Variants in GRB10 observed in about 807,000 individuals in gnomAD.
The protein encoded by GRB10 is growth factor receptor bound protein 10.
A neutral mutation model predicts 80.9 loss-of-function variants in GRB10; 20 were observed. That is an observed-to-expected ratio of 0.25 (90% CI 0.17 to 0.36). GRB10 has a LOEUF of 0.36. GRB10 is among the 10% of genes least tolerant of loss of function. The probability of loss-of-function intolerance (pLI) is 1.00; values close to 1 mark genes in which losing one functional copy is unlikely to be tolerated. For synonymous variants in GRB10, 291 were observed against 291.5 expected, an observed-to-expected ratio of 1.00 and a Z score of 0.02; for missense variants, 548 against 747.7, an observed-to-expected ratio of 0.73 and a Z score of 3.12.
At chr7:50,719,700 TA>T (rs550117900) in intron 4 of GRB10, among the ~76,000 whole-genome samples, 13 of 150,466 alleles carry the variant, frequency 8.6e-5, no homozygotes, top group African/African-American at 3.2e-4. Context: ...ATTTAAAAAA[TA>T]AAAAAAAAGA....
intron 2 of GRB10, among the ~76,000 whole-genome samples, chr7:50,778,754 A>C (rs2077967278): frequency 1.3e-5 from 2 of 152,198 alleles, no homozygotes; most frequent in Non-Finnish European, 2.9e-5. Flanking sequence ...TCCAGGTTCC[A>C]GGCTGTGATG....
intron 2 of GRB10, among the ~76,000 whole-genome samples, chr7:50,763,589 CAG>C (rs1228138766): frequency 6.6e-6 from 1 of 152,226 alleles, no homozygotes; most frequent in Non-Finnish European, 1.5e-5. Flanking sequence ...CACTTTAAGA[CAG>C]AAAAACTGGA....
intron 3 of GRB10, among the ~76,000 whole-genome samples, chr7:50,742,010 C>CAA (rs566207137): frequency 7.4e-6 from 1 of 135,902 alleles, no homozygotes; most frequent in Non-Finnish European, 1.6e-5. Context: ...TTAATTTTTA[C>CAA]AAAAAAAAAA....
chr7:50,713,218 G>A lies in GRB10; in HGVS notation c.52-9310C>T, dbSNP rs187325087. 5.3e-5 allele frequency among the ~76,000 whole-genome samples: 8 copies of A among 152,132 alleles called. No individual in the cohort carries two copies. The South Asian group carries it at 1.0e-3, about 20-fold the overall frequency. On this transcript the variant is annotated intron_variant, in intron 4 of 18. Transcript: ENST00000401949. ...TAGTGTGATCACACATGGAAAGCACGGCTCAGTAAATCTCAGCTGCTATTT... is the reference window on the plus strand; with the variant it reads ...TAGTGTGATCACACATGGAAAGCACAGCTCAGTAAATCTCAGCTGCTATTT...
At chr7:50,631,323 A>C (rs565183241) in intron 7 of GRB10, among the ~76,000 whole-genome samples, 222 of 152,122 alleles carry the variant, frequency 1.5e-3, no homozygotes, top group African/African-American at 5.3e-3. Flanking sequence ...TCTGCAGCAT[A>C]AGATGTCCCT....
At chr7:50,698,082 A>C (rs1166143288) in intron 5 of GRB10, among the ~76,000 whole-genome samples, 1 of 152,226 alleles carries the variant, frequency 6.6e-6, no homozygotes, top group Non-Finnish European at 1.5e-5. Context: ...AGACACAAAC[A>C]CATCATGCTT....
At chr7:50,789,760 G>GA (rs200839160) in intron 1 of GRB10, among the ~76,000 whole-genome samples, 1,649 of 152,130 alleles carry the variant, frequency 0.011, 36 homozygotes, top group African/African-American at 0.038. Context: ...CAGGGGAAAA[G>GA]AAAAAATCTC....
At chr7:50,729,350 T>G (rs1196459684) in intron 4 of GRB10, 1 of 152,270 alleles carries the variant, frequency 6.6e-6, no homozygotes, top group Non-Finnish European at 1.5e-5. Context: ...TTCAACATTG[T>G]GTACGGAAGT....
chr7:50,787,675 C>T (rs886180384), upstream of GRB10, among the ~76,000 whole-genome samples: 1 of 152,206 alleles, frequency 6.6e-6, no homozygotes, highest in Non-Finnish European at 1.5e-5. Flanking sequence ...GCGACAATGA[C>T]ACTAGGAAGC....
intron 18 of GRB10, among the ~76,000 whole-genome samples, chr7:50,593,704 G>C (rs2046136017): frequency 6.6e-6 from 1 of 152,248 alleles, no homozygotes. Context: ...AACTCAGTGA[G>C]TTTTCAGTTG....
At chr7:50,689,734 A>T (rs1322427396) in intron 5 of GRB10, among the ~76,000 whole-genome samples, 1 of 152,158 alleles carries the variant, frequency 6.6e-6, no homozygotes, top group Non-Finnish European at 1.5e-5. Context: ...AATATTAGCC[A>T]TGTTAACAAA....
chr7:50,649,177 T>TG (rs1169380102), intron 7 of GRB10, among the ~76,000 whole-genome samples: 1 of 152,176 alleles, frequency 6.6e-6, no homozygotes, highest in Non-Finnish European at 1.5e-5. Context: ...ACCCTGTCCC[T>TG]GTTCTGGGGG....
In GRB10 at chr7:50,590,213, GT is replaced by G. The variant is rs2045700115; in HGVS notation, c.*2738del. 1 of 152,150 alleles carries G rather than the reference GT, an allele frequency of 6.6e-6. No homozygotes were observed. The highest frequency in any genetic ancestry group is 1.9e-4 in the East Asian group (1 of 5,202). The allele number at this position is 152,150 out of a possible 1,614,324, so 9.4% of individuals were successfully genotyped here. Reference sequence around the variant, plus strand: ...ATGAAGCAAAGCACATGGAATAAAGGTTTTGTCTCTTCATTAATACCTTCTG... The same window carrying G: ...ATGAAGCAAAGCACATGGAATAAAGGTTTGTCTCTTCATTAATACCTTCTG... On this transcript the variant is annotated 3_prime_UTR_variant, in exon 19 of 19. Coordinates refer to ENST00000401949, the MANE Select transcript of GRB10 (RefSeq NM_001350814.2).
chr7:50,719,499 G>A (rs2067376870), intron 4 of GRB10, among the ~76,000 whole-genome samples: 1 of 136,754 alleles, frequency 7.3e-6, no homozygotes. Context: ...ACAGGGAGGG[G>A]CACATCATAC....
intron 7 of GRB10, among the ~76,000 whole-genome samples, chr7:50,642,473 T>C (rs753780856): frequency 6.6e-6 from 1 of 151,670 alleles, no homozygotes; most frequent in East Asian, 1.9e-4. Context: ...TACATATACA[T>C]ATACACATAA....
At chr7:50,644,464 C>A (rs910895437) in intron 7 of GRB10, among the ~76,000 whole-genome samples, 3 of 152,166 alleles carry the variant, frequency 2.0e-5, no homozygotes, top group African/African-American at 4.8e-5. Context: ...AGCCCCCCAG[C>A]AACCTGAAAC....
intron 5 of GRB10, among the ~76,000 whole-genome samples, chr7:50,690,087 A>C (rs1326411039): frequency 1.3e-5 from 2 of 152,164 alleles, no homozygotes; most frequent in African/African-American, 2.4e-5. Flanking sequence ...ACCTGAGGTC[A>C]GGAGTCTGAG....
intron 7 of GRB10, among the ~76,000 whole-genome samples, chr7:50,661,769 G>T (rs1345397551): frequency 3.9e-5 from 6 of 152,100 alleles, no homozygotes; most frequent in Non-Finnish European, 5.9e-5. Flanking sequence ...TGCCTCAGTT[G>T]CCCTTGCCAC....
At chr7:50,611,166 G>A (rs571176155) in intron 13 of GRB10, among the ~76,000 whole-genome samples, 5 of 152,250 alleles carry the variant, frequency 3.3e-5, no homozygotes, top group Admixed American at 1.3e-4. Context: ...CTCACACAAT[G>A]TTCATGAGCA....
Sources: allele counts gnomAD v4.1 joint callset (sites outside exome capture counted in the v4.1 genomes callset), GRCh38; gene constraint gnomAD v4.1.1; transcripts MANE v1.5; gene names NCBI Gene and HGNC (gene_info 2026-07-23, HGNC 2026-07-21).